KRT39: variants seen among roughly 807,000 people sequenced by gnomAD.
KRT39 encodes keratin 39.
Under a neutral mutation model 54.8 loss-of-function variants are expected in KRT39, and 47 were observed. That is an observed-to-expected ratio of 0.86 (90% confidence interval 0.68 to 1.09). The LOEUF (loss-of-function observed/expected upper bound fraction) is 1.09. KRT39 is among the 50% of genes least tolerant of loss of function. The pLI is 0.00. For missense variants in KRT39, 580 were observed against 598.5 expected (o/e 0.97, Z 0.32); for synonymous variants, 207 against 227.9 (o/e 0.91, Z 0.83).
chr17:40,965,190 C>T (rs1464137641), intron 1 of KRT39, among the ~76,000 whole-genome samples: 15 of 144,020 alleles, frequency 1.0e-4, no homozygotes, highest in South Asian at 9.0e-4. Context: ...GGAGACAGAG[C>T]GAGACTCCGT....
chr17:40,964,469 C>G lies in KRT39; in HGVS notation c.528G>C (p.Leu176=). The G allele has an allele frequency of 3.1e-6, 5 of 1,614,114 alleles. No homozygotes were observed. In the Admixed American group the frequency reaches 6.7e-5, roughly 22 times the overall value. Residue 176 remains leucine, a synonymous_variant, in exon 2 of 7, where the codon CTG becomes CTC. Coordinates refer to ENST00000355612, the MANE Select transcript of KRT39 (RefSeq NM_213656.4). Reference sequence around the variant, plus strand: ...ACTTGGCTCTCAAGTCATCTGCAGTCAGTTTGGTGTTGTCAATTTGCGAGA... The same window carrying G: ...ACTTGGCTCTCAAGTCATCTGCAGTGAGTTTGGTGTTGTCAATTTGCGAGA... ...RLVSQIDNTK[L]TADDLRAKYE... is the part of the protein sequence containing the mutation.
rs1567832739 is a variant in KRT39 at position 40,962,240 on chromosome 17, T to C, written c.918A>G (p.Gln306=). The change falls in exon 5 of 7, where the codon CAA becomes CAG. Residue 306 remains glutamine, a synonymous_variant. Coordinates refer to ENST00000355612, the MANE Select transcript of KRT39 (RefSeq NM_213656.4). ...QQVVTSSQQQ[Q]CCQKEIIELR... ...GTTCTATGATCTCCTTTTGGCAGCA[T>C]TGCTGCTGTTGAGAGCTGGTCACCA... 1.2e-6 allele frequency: 2 copies of C among 1,614,232 alleles called. No individual in the cohort carries two copies. Among genetic ancestry groups the C allele is most frequent in the East Asian group, 2.2e-5 (1 of 44,888 alleles).
intron 1 of KRT39, among the ~76,000 whole-genome samples, chr17:40,965,056 T>C (rs1228777203): frequency 2.0e-5 from 3 of 151,320 alleles, no homozygotes; most frequent in Non-Finnish European, 4.4e-5. Flanking sequence ...AAAAAAAAAT[T>C]AGCTGGGCGT....
chr17:40,961,713 G>A (rs980243394), intron 5 of KRT39, among the ~76,000 whole-genome samples: 1 of 152,106 alleles, frequency 6.6e-6, no homozygotes, highest in African/African-American at 2.4e-5. Flanking sequence ...TGTAACATTC[G>A]TTAATAATTA....
At chr17:40,966,260 A>T in intron 1 of KRT39, 129 bp downstream of exon 1, 1 of 692,184 alleles carries the variant, frequency 1.4e-6, no homozygotes, top group Non-Finnish European at 2.4e-6. Context: ...ATTTCACTCA[A>T]GAAATTTTTC....
intron 3 of KRT39, among the ~76,000 whole-genome samples, 168 bp from the exon 4 acceptor site, chr17:40,962,731 A>G (rs893368081): frequency 6.6e-6 from 1 of 151,988 alleles, no homozygotes; most frequent in Non-Finnish European, 1.5e-5. Flanking sequence ...ATGATTTAAG[A>G]CTCTTTCAGG....
chr17:40,965,125 A>T (rs1325938810), intron 1 of KRT39, among the ~76,000 whole-genome samples: 1 of 151,888 alleles, frequency 6.6e-6, no homozygotes, highest in African/African-American at 2.4e-5. Context: ...AATGGCATGA[A>T]CCCAGGAAGC....
In KRT39 at chr17:40,960,327, A is replaced by G. The variant is rs1911090906; in HGVS notation, c.1171T>C (p.Cys391Arg). 2 of 1,613,762 alleles carry G rather than the reference A, an allele frequency of 1.2e-6. 1 individual carries two copies. The highest frequency in any genetic ancestry group is 2.2e-5 in the South Asian group (2 of 91,058). Residue 391 changes from cysteine to arginine, a missense_variant, in exon 6 of 7, where the codon TGT becomes CGT. Cys to Arg is a radical substitution (Grantham distance 180, BLOSUM62 -3). Coordinates refer to ENST00000355612, the MANE Select transcript of KRT39 (RefSeq NM_213656.4). ...AGGCTGCGGTATGTGGTAATCTCAC[A>G]TTCCAGCCGGGACTTGACGTCCAGC... ...ILLDVKSRLE[C>R]EITTYRSLLE...
intron 6 of KRT39, 72 bp downstream of exon 6, chr17:40,960,209 T>C: frequency 7.4e-7 from 1 of 1,351,734 alleles, no homozygotes; most frequent in Non-Finnish European, 1.0e-6. Flanking sequence ...TGACCCCTGT[T>C]GCCAGTGGCA....
chr17:40,962,648 G>T, intron 3 of KRT39, 85 bp from the exon 4 acceptor site: 1 of 1,155,274 alleles, frequency 8.7e-7, no homozygotes, highest in Non-Finnish European at 1.3e-6. Context: ...CTACGATTTA[G>T]CTTAATTGTG....
intron 1 of KRT39, among the ~76,000 whole-genome samples, chr17:40,965,387 A>C (rs1911345828): frequency 1.3e-5 from 2 of 152,168 alleles, no homozygotes; most frequent in African/African-American, 2.4e-5. Context: ...TAAATACATA[A>C]ATAAATAAAT....
intron 5 of KRT39, chr17:40,960,709 CTCTT>C (rs1911118630): frequency 1.7e-6 from 1 of 577,640 alleles, no homozygotes; most frequent in South Asian, 2.2e-5. Flanking sequence ...CCCTCTTTCT[CTCTT>C]TCTCTTTTTG....
intron 3 of KRT39, 146 bp downstream of exon 3, chr17:40,963,480 TA>T: frequency 1.4e-6 from 1 of 702,764 alleles, no homozygotes; most frequent in African/African-American, 1.8e-5. Context: ...CTGTCCTTTA[TA>T]AATTACCTAC....
At chr17:40,963,292 G>C (rs910034831) in intron 3 of KRT39, among the ~76,000 whole-genome samples, 8 of 152,064 alleles carry the variant, frequency 5.3e-5, no homozygotes, top group Admixed American at 1.3e-4. Flanking sequence ...CCCCCATGCT[G>C]TTCTTAGGAT....
At position 40,960,465 on chromosome 17, in the gene KRT39, C is replaced by G; in HGVS notation, c.1033G>C (p.Ala345Pro). The change falls in exon 6 of 7, where the codon GCT (alanine) becomes CCT (proline). Residue 345 changes from alanine to proline, a missense_variant. Ala to Pro is a conservative substitution (Grantham distance 27). Transcript: ENST00000355612. ...TGGGTCAGCAAGGCCGTGTAGCGAG[C>G]CTCTGTCTCCGTTAGGATGCACTCT... The part of the protein sequence containing the change: ...SQECILTETE[A>P]RYTALLTQIQ... 2.5e-6 allele frequency: 4 copies of G among 1,614,062 alleles called. No homozygotes were observed. Among genetic ancestry groups the G allele is most frequent in the Non-Finnish European group, 3.4e-6 (4 of 1,179,998 alleles).
At chr17:40,960,619 C>A (rs374206290) in intron 5 of KRT39, 118 bp from the exon 6 acceptor site, 1 of 708,508 alleles carries the variant, frequency 1.4e-6, no homozygotes, top group Non-Finnish European at 2.5e-6. Flanking sequence ...TCTCCAAGCA[C>A]TTTATTTATT....
rs760929648 is a variant in KRT39, at chr17:40,966,738, G to A, written c.119C>T (p.Thr40Ile). ...GCCAGCTGGTTGACAGTTGTTGACT[G>A]TAAGGCCACCAGGATGGCAGCCGTT... ...SNNGCHPGGL[T>I]VNNCQPAGHV... The change falls in exon 1 of 7, where the codon ACA becomes ATA. Residue 40 changes from threonine (T) to isoleucine (I), a missense_variant. By Grantham distance (89) the Thr-to-Ile change is moderately conservative. Transcript: ENST00000355612. 6.2e-7 allele frequency: 1 copy of A among 1,614,064 alleles called. No homozygotes were observed. Among genetic ancestry groups the A allele is most frequent in the African/African-American group, 1.3e-5 (1 of 74,946 alleles).
intron 3 of KRT39, among the ~76,000 whole-genome samples, 198 bp from the exon 4 acceptor site, chr17:40,962,761 G>A (rs1015693418): frequency 1.3e-5 from 2 of 152,092 alleles, no homozygotes; most frequent in African/African-American, 4.8e-5. Flanking sequence ...GTGTTTAAAT[G>A]TGTGCAAAAT....
intron 6 of KRT39, 116 bp from the exon 7 acceptor site, chr17:40,958,975 C>T (rs1017645251): frequency 2.3e-6 from 2 of 878,010 alleles, no homozygotes; most frequent in Non-Finnish European, 1.8e-6. Context: ...GTACATACTT[C>T]TAAATGCTTA....
Sources: allele counts gnomAD v4.1 joint callset (sites outside exome capture counted in the v4.1 genomes callset), GRCh38; gene constraint gnomAD v4.1.1; transcripts MANE v1.5; gene names NCBI Gene and HGNC (gene_info 2026-07-23, HGNC 2026-07-21).